Variants in DBH observed in about 807,000 individuals in gnomAD.
DBH encodes the protein dopamine beta-hydroxylase, also known as dopamine beta-hydroxylase (dopamine beta-monooxygenase).
A neutral mutation model predicts 64.0 loss-of-function variants in DBH; 49 were observed. The ratio of observed to expected loss-of-function variants is 0.77; its 90% CI spans 0.61 to 0.97. The LOEUF (loss-of-function observed/expected upper bound fraction) is 0.97, where lower values mean the gene tolerates loss of function less well. Among genes scored for constraint, DBH ranks in the 50% least tolerant of loss-of-function variants. The probability of loss-of-function intolerance (pLI) is 0.00; values close to 1 mark genes in which losing one functional copy is unlikely to be tolerated. For missense variants in DBH, 828 were observed against 826.6 expected, an observed-to-expected ratio of 1.00 and a Z score of -0.02; for synonymous variants, 343 against 347.1, an observed-to-expected ratio of 0.99 and a Z score of 0.13.
chr9:133,658,760 C>T lies in DBH; in HGVS notation c.*313C>T. ...TCCAGGGTCCAGCCCTCCGCCAGCC[C>T]TGTTCCGCCTCACTGGGTGTGGCCT... On this transcript the variant is annotated 3_prime_UTR_variant, in exon 12 of 12. Coordinates refer to ENST00000393056, the MANE Select transcript of DBH (RefSeq NM_000787.4). The T allele has an allele frequency of 4.5e-6, 1 of 220,334 alleles. No homozygotes were observed. The allele number at this position is 220,334 out of a possible 1,614,324, so 13.6% of individuals were successfully genotyped here. A position where few individuals can be genotyped will look rare whatever the true frequency, so the allele number is the denominator to read the frequency against.
At chr9:133,655,996 C>T (rs1832312518) in intron 9 of DBH, 1 of 172,030 alleles carries the variant, frequency 5.8e-6, no homozygotes, top group Admixed American at 5.6e-5. Context: ...TAGTCACGGT[C>T]CTGTCTTATA....
Position 133,649,352 on chromosome 9 carries a change from G to A in DBH, c.1191+1340G>A, listed in dbSNP as rs529821969. 8.7e-4 allele frequency among the ~76,000 whole-genome samples: 133 copies of A among 152,300 alleles called. 1 individual carries two copies. Among genetic ancestry groups the A allele is most frequent in the African/African-American group, 3.0e-3 (124 of 41,558 alleles). ...AGTGACCTGCAAAGTAAGTGTTGACGTACCCATTTCACAGATGGGGAGACT... is the reference window on the plus strand; with the variant it reads ...AGTGACCTGCAAAGTAAGTGTTGACATACCCATTTCACAGATGGGGAGACT... On this transcript the variant is annotated intron_variant, in intron 6 of 11. Coordinates refer to ENST00000393056, the MANE Select transcript of DBH (RefSeq NM_000787.4).
Position 133,647,863 on chromosome 9 carries a change from G to A in DBH, c.1042G>A (p.Gly348Ser), listed in dbSNP as rs1290782887. 1 of 1,614,108 alleles carries A rather than the reference G, an allele frequency of 6.2e-7. No individual in the cohort carries two copies. The highest frequency in any genetic ancestry group is 8.5e-7 in the Non-Finnish European group (1 of 1,180,052). ...TCTCCCAGGACGAAACGACTCCTCA[G>A]GCATCCGCTTGTACTACACAGCCAA... is the stretch of plus-strand genomic sequence containing the variant. ...LVIEGRNDSS[G>S]IRLYYTAKLR... Residue 348 changes from glycine to serine, a missense_variant, in exon 6 of 12, where the codon GGC becomes AGC. Physicochemically the swap from Gly to Ser is moderately conservative, Grantham distance 56 (BLOSUM62 0). Coordinates refer to ENST00000393056, the MANE Select transcript of DBH (RefSeq NM_000787.4).
rs1379801077 is a variant in DBH at position 133,643,286 on chromosome 9, C to T, written c.745-127C>T. 2.1e-6 allele frequency: 2 copies of T among 969,084 alleles called. No individual in the cohort carries two copies. Among genetic ancestry groups the T allele is most frequent in the African/African-American group, 1.6e-5 (1 of 61,950 alleles). 60.0% of individuals were successfully genotyped at this position (969,084 alleles called of 1,614,324 possible). On this transcript the variant is annotated intron_variant, in intron 3 of 11. Coordinates refer to ENST00000393056, the MANE Select transcript of DBH (RefSeq NM_000787.4). The surrounding 1 kb of genome is among the most constrained non-coding windows in gnomAD (Gnocchi z 5.3). Reference sequence around the variant, plus strand: ...CTCAAGGCTGTGAACCCCAGAAGTGCCCCTGAAATTGTCTGGATCATCCCT... The same window carrying T: ...CTCAAGGCTGTGAACCCCAGAAGTGTCCCTGAAATTGTCTGGATCATCCCT...
At position 133,656,718 on chromosome 9, in the gene DBH, C is replaced by T. The variant is rs79651612; in HGVS notation, c.1562+68C>T. The T allele has an allele frequency of 1.8e-4, 279 of 1,589,712 alleles. No individual in the cohort carries two copies. In the South Asian group the frequency reaches 1.9e-3, roughly 11 times the overall value. ...GACACAGAACCTCGGGCCTGTTAGG[C>T]GGCTGGGCAGATTGGAGGAGTCCAG... On this transcript the variant is annotated intron_variant, in intron 10 of 11. Transcript: ENST00000393056.
chr9:133,654,223 C>T (rs1021025364), intron 9 of DBH, among the ~76,000 whole-genome samples: 1 of 152,180 alleles, frequency 6.6e-6, no homozygotes, highest in Admixed American at 6.5e-5. Context: ...CCTGCCTCAG[C>T]CTCCTGAATA....
intron 11 of DBH, chr9:133,657,435 AGAGAGAG>A (rs1564215796): frequency 2.3e-5 from 9 of 383,564 alleles, no homozygotes; most frequent in Middle Eastern, 7.7e-4. Flanking sequence ...GAGAGAGAGG[AGAGAGAG>A]GAGAGAGAGG....
chr9:133,644,016 C>A (rs1243366702), intron 4 of DBH, among the ~76,000 whole-genome samples: 1 of 152,172 alleles, frequency 6.6e-6, no homozygotes, highest in Non-Finnish European at 1.5e-5. Context: ...GCTCCTCTCC[C>A]CAACTCCCTG....
intron 10 of DBH, 107 bp downstream of exon 10, chr9:133,656,757 A>G (rs1265071234): frequency 1.4e-6 from 2 of 1,399,782 alleles, no homozygotes; most frequent in Non-Finnish European, 2.0e-6. Flanking sequence ...AAGTTCTAGG[A>G]GCAGAGACCT....
chr9:133,646,548 G>A (rs965896864), intron 5 of DBH, among the ~76,000 whole-genome samples: 1 of 152,102 alleles, frequency 6.6e-6, no homozygotes. Context: ...GTTTTGAGAC[G>A]AAATCTCACT....
intron 1 of DBH, among the ~76,000 whole-genome samples, chr9:133,637,761 C>T (rs531318574): frequency 6.6e-6 from 1 of 152,196 alleles, no homozygotes; most frequent in Non-Finnish European, 1.5e-5. Context: ...CCCTCCAATT[C>T]CCAAGACTCG....
At position 133,643,469 on chromosome 9, in the gene DBH, CCAGTGCGCCCCCGAGATGGA is replaced by C. The variant is rs1832141253; in HGVS notation, c.805_824del (p.Cys269ArgfsTer301). 6.2e-7 allele frequency: 1 copy of C among 1,613,286 alleles called. No homozygotes were observed. The highest frequency in any genetic ancestry group is 1.1e-5 in the South Asian group (1 of 91,044). ...CCCTTGTCCACCACATGGAAGTCTT[CCAGTGCGCCCCCGAGATGGA>C]CAGCGTCCCCCACTTCAGCGGGCCC... On this transcript the variant is annotated frameshift_variant, in exon 4 of 12. Coordinates refer to ENST00000393056, the MANE Select transcript of DBH (RefSeq NM_000787.4). LOFTEE classifies it high-confidence loss of function. The surrounding 1 kb of genome is among the most constrained non-coding windows in gnomAD (Gnocchi z 5.3).
intron 1 of DBH, among the ~76,000 whole-genome samples, chr9:133,638,652 G>A (rs1832080004): frequency 6.6e-6 from 1 of 152,146 alleles, no homozygotes; most frequent in African/African-American, 2.4e-5. Context: ...TAGGGATATG[G>A]GCTTGGTGTG....
intron 1 of DBH, among the ~76,000 whole-genome samples, chr9:133,637,763 C>G (rs1202944125): frequency 6.6e-6 from 1 of 152,336 alleles, no homozygotes; most frequent in Non-Finnish European, 1.5e-5. Context: ...CTCCAATTCC[C>G]AAGACTCGGC....
At chr9:133,654,339 T>A (rs1308687265) in intron 9 of DBH, among the ~76,000 whole-genome samples, 1 of 152,068 alleles carries the variant, frequency 6.6e-6, no homozygotes, top group Non-Finnish European at 1.5e-5. Flanking sequence ...CCTCATGTAA[T>A]CCCTCATGCT....
chr9:133,657,847 G>T (rs1265690835), intron 11 of DBH, among the ~76,000 whole-genome samples: 1 of 152,196 alleles, frequency 6.6e-6, no homozygotes, highest in Admixed American at 6.5e-5. Flanking sequence ...ATCCTTCCCA[G>T]AAGCATTTGG....
Position 133,657,448 on chromosome 9 carries a change from A to AGG in DBH, c.1722+220_1722+221insGG, listed in dbSNP as rs1260464821. On this transcript the variant is annotated intron_variant, in intron 11 of 11. Transcript: ENST00000393056. ...AGGAGAGAGAGGAGAGAGAGGAGAGAGAGGAGAGAGGGAGAGGGAGAGAGG... is the reference window on the plus strand; with the variant it reads ...AGGAGAGAGAGGAGAGAGAGGAGAGAGGGAGGAGAGAGGGAGAGGGAGAGAGG... The AGG allele has an allele frequency of 4.0e-4, 167 of 421,918 alleles. 16 individuals are homozygous for AGG. The highest frequency in any genetic ancestry group is 3.5e-3 in the South Asian group (155 of 44,098). The allele number at this position is 421,918 out of a possible 1,614,324, so 26.1% of individuals were successfully genotyped here.
At chr9:133,658,262 G>A in intron 11 of DBH, 54 bp from the exon 12 acceptor site, 2 of 1,608,020 alleles carry the variant, frequency 1.2e-6, no homozygotes, top group African/African-American at 2.7e-5. Context: ...TGGGGAAGCA[G>A]CCACCCATCT....
intron 3 of DBH, 80 bp downstream of exon 3, chr9:133,642,544 C>T (rs1031942981): frequency 3.3e-6 from 5 of 1,507,542 alleles, no homozygotes; most frequent in Non-Finnish European, 4.5e-6. Context: ...CCCTGGAGAG[C>T]TGTCCACAGT....
Sources: allele counts gnomAD v4.1 joint callset (sites outside exome capture counted in the v4.1 genomes callset), GRCh38; gene constraint gnomAD v4.1.1; non-coding constraint Gnocchi (gnomAD v3.1); transcripts MANE v1.5; gene names NCBI Gene and HGNC (gene_info 2026-07-23, HGNC 2026-07-21).